Variants in MYO19 observed in about 807,000 individuals in gnomAD.
MYO19 encodes myosin XIX, also known as unconventional myosin-XIX.
MYO19 carries 132 observed loss-of-function variants against 129.2 expected under a neutral mutation model. The ratio of observed to expected loss-of-function variants is 1.02; its 90% CI spans 0.89 to 1.18. The LOEUF (loss-of-function observed/expected upper bound fraction) is 1.18, where lower values mean the gene tolerates loss of function less well. MYO19 is among the 50% of genes most tolerant of loss of function. The pLI is 0.00. For missense variants in MYO19, 1,210 were observed against 1,216.7 expected, an observed-to-expected ratio of 0.99 and a Z score of 0.08; for synonymous variants, 531 against 477.2, an observed-to-expected ratio of 1.11 and a Z score of -1.47.
At chr17:36,501,799 C>A (rs1334622263) in intron 21 of MYO19, 3 of 152,262 alleles carry the variant, frequency 2.0e-5, no homozygotes, top group Non-Finnish European at 4.4e-5. Flanking sequence ...CCGTGTCCCA[C>A]TGCCTGCCCT....
At chr17:36,508,184 A>G (rs2072055095) in intron 14 of MYO19, 2 of 326,294 alleles carry the variant, frequency 6.1e-6, no homozygotes, top group Non-Finnish European at 5.6e-6. Flanking sequence ...GACAGCCCAG[A>G]GCATCAGGCC....
At chr17:36,512,798 G>A (rs1304548758) in intron 11 of MYO19, 2 of 1,284,456 alleles carry the variant, frequency 1.6e-6, no homozygotes, top group African/African-American at 3.0e-5. Flanking sequence ...TGAGGAAGAT[G>A]AGAGGAGGTA....
intron 6 of MYO19, among the ~76,000 whole-genome samples, chr17:36,520,021 A>T (rs1002325331): frequency 1.3e-5 from 2 of 151,886 alleles, no homozygotes; most frequent in Non-Finnish European, 2.9e-5. Context: ...TTTTTGAGAC[A>T]GAGTTTCACT....
intron 20 of MYO19, 55 bp from the exon 21 acceptor site, chr17:36,503,255 A>T: frequency 7.1e-7 from 1 of 1,400,500 alleles, no homozygotes; most frequent in Non-Finnish European, 1.0e-6. Flanking sequence ...AGCCAGGTTA[A>T]CGGTTCAGGG....
chr17:36,496,013 T>C lies in MYO19; in HGVS notation c.*238A>G, dbSNP rs1370349330. Reference sequence around the variant, plus strand: ...AAGGTAGTGAAATGTGGCCCTGATGTTTCTTAACCCTGATTTGGTAACTAC... The same window carrying C: ...AAGGTAGTGAAATGTGGCCCTGATGCTTCTTAACCCTGATTTGGTAACTAC... On this transcript the variant is annotated 3_prime_UTR_variant, in exon 26 of 26. Transcript: ENST00000614623. 2.6e-6 allele frequency: 2 copies of C among 779,972 alleles called. No individual in the cohort carries two copies. The highest frequency in any genetic ancestry group is 1.9e-6 in the Non-Finnish European group (1 of 537,018). 48.3% of individuals were successfully genotyped at this position (779,972 alleles called of 1,614,324 possible).
At position 36,515,128 on chromosome 17, in the gene MYO19, T is replaced by G. The variant is rs2072652622; in HGVS notation, c.602A>C (p.Gln201Pro). 1 of 1,610,460 alleles carries G rather than the reference T, an allele frequency of 6.2e-7. No homozygotes were observed. The highest frequency in any genetic ancestry group is 1.3e-5 in the African/African-American group (1 of 74,922). Residue 201 changes from glutamine (Q) to proline (P), a missense_variant, in exon 8 of 26, where the codon CAG becomes CCG. By Grantham distance (76) the Gln-to-Pro change is moderately conservative. Transcript: ENST00000614623. ...NNSSRFGKFI[Q>P]LQLNRAQQMT... is the part of the protein sequence containing the mutation. ...CAGCTATTACCTGTTCAGCTGGAGC[T>G]GGATGAACTTCCCAAAGCGACTGCT...
Position 36,533,959 on chromosome 17 carries a change from A to G in MYO19, c.-150T>C, listed in dbSNP as rs2073977323. On this transcript the variant is annotated 5_prime_UTR_variant, in exon 2 of 26. Coordinates refer to ENST00000614623, the MANE Select transcript of MYO19 (RefSeq NM_001163735.2). ...GCGTTAAAGGGGCTAATACCTGTGA[A>G]AGCGCTCTGCAAATGTTATTACGAT... 1 of 152,252 alleles carries G rather than the reference A, an allele frequency of 6.6e-6. No individual in the cohort carries two copies. Among genetic ancestry groups the G allele is most frequent in the Non-Finnish European group, 1.5e-5 (1 of 68,056 alleles). 9.4% of individuals were successfully genotyped at this position (152,252 alleles called of 1,614,324 possible).
At chr17:36,512,501 C>CGGCCACA (rs1185726450) in intron 11 of MYO19, among the ~76,000 whole-genome samples, 1 of 152,164 alleles carries the variant, frequency 6.6e-6, no homozygotes, top group Non-Finnish European at 1.5e-5. Flanking sequence ...ACTGGTCTTC[C>CGGCCACA]GGCCACAACT....
At position 36,511,387 on chromosome 17, in the gene MYO19, G is replaced by C; in HGVS notation, c.963C>G (p.Cys321Trp). 1 of 1,577,282 alleles carries C rather than the reference G, an allele frequency of 6.3e-7. No homozygotes were observed. The highest frequency in any genetic ancestry group is 8.6e-7 in the Non-Finnish European group (1 of 1,161,766). The change falls in exon 12 of 26, where the codon TGC (cysteine) becomes TGG (tryptophan). Residue 321 changes from cysteine to tryptophan, a missense_variant. Cys to Trp is a radical substitution (Grantham distance 215). Transcript: ENST00000614623. ...FAASEDEAQP[C>W]QPMDDAKYSV... ...CACACTTGGCATCATCCATCGGCTGGCAGGGCTGGGCTTCATCCTCGGAGG... is the reference window on the plus strand; with the variant it reads ...CACACTTGGCATCATCCATCGGCTGCCAGGGCTGGGCTTCATCCTCGGAGG...
chr17:36,531,211 G>A (rs765229439), intron 3 of MYO19, among the ~76,000 whole-genome samples: 4 of 151,860 alleles, frequency 2.6e-5, no homozygotes, highest in African/African-American at 4.8e-5. Context: ...TGGCTAACAC[G>A]GTGAAACCCC....
chr17:36,518,853 A>G (rs1336631539), intron 6 of MYO19, among the ~76,000 whole-genome samples: 2 of 152,008 alleles, frequency 1.3e-5, no homozygotes, highest in Non-Finnish European at 2.9e-5. Context: ...TCTTTTACCC[A>G]TAGGATATTT....
chr17:36,498,298 C>T lies in MYO19; in HGVS notation c.2725G>A (p.Ala909Thr), dbSNP rs754434538. ...AGCGCTCGGATGGACGTGACACCAG[C>T]CTGGTCTTGTGCTGTCTGGACAGTG... ...SYTVQTAQDQ[A>T]GVTSIRALPQ... is the part of the protein sequence containing the mutation. Residue 909 changes from alanine (A) to threonine (T), a missense_variant, in exon 25 of 26, where the codon GCT becomes ACT. Physicochemically the swap from Ala to Thr is moderately conservative, Grantham distance 58. Transcript: ENST00000614623. The T allele has an allele frequency of 1.9e-6, 3 of 1,613,608 alleles. No individual in the cohort carries two copies. The highest frequency in any genetic ancestry group is 2.5e-6 in the Non-Finnish European group (3 of 1,179,726).
chr17:36,518,583 AAAGT>A (rs1470528215), intron 6 of MYO19, among the ~76,000 whole-genome samples: 6 of 137,770 alleles, frequency 4.4e-5, no homozygotes, highest in Non-Finnish European at 7.7e-5. Context: ...TATATACATA[AAAGT>A]ATGTATATAT....
intron 13 of MYO19, 195 bp from the exon 14 acceptor site, chr17:36,509,330 T>C: frequency 1.6e-6 from 1 of 609,158 alleles, no homozygotes; most frequent in South Asian, 1.9e-5. Context: ...GCTATGGGCA[T>C]GCATGTTGCC....
chr17:36,541,351 G>A (rs1444699630), intron 2 of MYO19, among the ~76,000 whole-genome samples: 3 of 152,190 alleles, frequency 2.0e-5, no homozygotes, highest in Non-Finnish European at 4.4e-5. Context: ...GAGCATAAAT[G>A]TCCAATGTAT....
intron 6 of MYO19, among the ~76,000 whole-genome samples, chr17:36,520,351 T>C (rs868168985): frequency 6.6e-6 from 1 of 152,204 alleles, no homozygotes; most frequent in South Asian, 2.1e-4. Flanking sequence ...TTTGTATTCA[T>C]TCTACTTGGC....
chr17:36,500,983 G>C (rs370060016), intron 22 of MYO19, 24 bp from the exon 23 acceptor site: 1 of 1,607,472 alleles, frequency 6.2e-7, no homozygotes, highest in South Asian at 1.1e-5. Flanking sequence ...CATCCATTGA[G>C]GGCAGCCTCT....
rs1208166563 is a variant in MYO19 at position 36,507,419 on chromosome 17, T to C, written c.1447A>G (p.Ile483Val). Reference protein sequence around the residue: ...LDLIEGSPISICSLINEECRL... With the variant: ...LDLIEGSPISVCSLINEECRL... Reference sequence around the variant, plus strand: ...CCCACCTCATTTATGAGGGAGCAGATGCTGATGGGGCTTCCCTCAATGAGA... The same window carrying C: ...CCCACCTCATTTATGAGGGAGCAGACGCTGATGGGGCTTCCCTCAATGAGA... Residue 483 changes from isoleucine (I) to valine (V), a missense_variant, in exon 16 of 26, where the codon ATC (isoleucine) becomes GTC (valine). Coordinates refer to ENST00000614623, the MANE Select transcript of MYO19 (RefSeq NM_001163735.2). The C allele has an allele frequency of 6.2e-7, 1 of 1,613,656 alleles. No individual in the cohort carries two copies. Among genetic ancestry groups the C allele is most frequent in the Admixed American group, 1.7e-5 (1 of 60,014 alleles).
At position 36,527,682 on chromosome 17, in the gene MYO19, C is replaced by T. The variant is rs372324250; in HGVS notation, c.169G>A (p.Ala57Thr). 1.9e-6 allele frequency: 3 copies of T among 1,612,926 alleles called. No homozygotes were observed. Among genetic ancestry groups the T allele is most frequent in the Non-Finnish European group, 2.5e-6 (3 of 1,179,392 alleles). The change falls in exon 5 of 26, where the codon GCC becomes ACC. Residue 57 changes from alanine (A) to threonine (T), a missense_variant. Coordinates refer to ENST00000614623, the MANE Select transcript of MYO19 (RefSeq NM_001163735.2). ...TAGAATGTGTCTGCCATGTACCGGG[C>T]CTGCAGGCACCTCAGGACTGAGGCA... ...TLETVLRCLQ[A>T]RYMADTFYTN...
Sources: gnomAD v4.1 joint callset for allele counts (sites outside exome capture counted in the v4.1 genomes callset) on GRCh38, gnomAD v4.1.1 for gene constraint, MANE v1.5 for transcripts, NCBI Gene and HGNC (gene_info 2026-07-23, HGNC 2026-07-21) for gene names.